Variants in TXNDC16 observed in about 807,000 individuals in gnomAD.
TXNDC16 encodes thioredoxin domain containing 16.
In TXNDC16, 74 loss-of-function variants were observed where a neutral mutation model predicts 85.6. That is an observed-to-expected ratio of 0.86 (90% CI 0.72 to 1.05). The LOEUF (loss-of-function observed/expected upper bound fraction) is 1.05. TXNDC16 is among the 50% of genes least tolerant of loss of function. The pLI is 0.00. For missense variants in TXNDC16, 959 were observed against 947.0 expected, an observed-to-expected ratio of 1.01 and a Z score of -0.17; for synonymous variants, 335 against 326.5, an observed-to-expected ratio of 1.03 and a Z score of -0.28.
At position 52,439,472 on chromosome 14, in the gene TXNDC16, A is replaced by C; in HGVS notation, c.2004-78T>G. On this transcript the variant is annotated intron_variant, in intron 19 of 20. Coordinates refer to ENST00000281741, the MANE Select transcript of TXNDC16 (RefSeq NM_020784.3). Reference sequence around the variant, plus strand: ...TGAAAATAGTAATTCGTAGAACATTAAACTTTTAAGTAGTATCATGCCAGT... The same window carrying C: ...TGAAAATAGTAATTCGTAGAACATTCAACTTTTAAGTAGTATCATGCCAGT... 13 of 1,334,086 alleles carry C rather than the reference A, an allele frequency of 9.7e-6. No homozygotes were observed. In the South Asian group the frequency reaches 1.6e-4, roughly 16 times the overall value. The allele number at this position is 1,334,086 out of a possible 1,614,324, so 82.6% of individuals were successfully genotyped here.
chr14:52,548,224 C>G lies in TXNDC16; in HGVS notation c.-181-3853G>C, dbSNP rs114396385. ...GGCAGAACGAATGTAGAAATGAAAA[C>G]AAAGACAAAATAATCTGTTTTAAAG... On this transcript the variant is annotated intron_variant, in intron 1 of 20. Coordinates refer to ENST00000281741, the MANE Select transcript of TXNDC16 (RefSeq NM_020784.3). 3.5e-3 allele frequency among the ~76,000 whole-genome samples: 538 copies of G among 152,304 alleles called. 2 individuals are homozygous for G. Among genetic ancestry groups the G allele is most frequent in the African/African-American group, 0.013 (524 of 41,550 alleles).
rs765600183 is a variant in TXNDC16, at chr14:52,470,656, C to G, written c.1337G>C (p.Arg446Thr). ...LKGTSTMLLTRINCADWSDVC... is the reference protein window; with the variant it reads ...LKGTSTMLLTTINCADWSDVC... The stretch of plus-strand genomic sequence containing the variant: ...ATCAGACCAATCTGCACAGTTTATT[C>G]TAGTAAGAAGCATAGTAGATGTGCC... The change falls in exon 15 of 21, where the codon AGA (arginine) becomes ACA (threonine). Residue 446 changes from arginine to threonine, a missense_variant. Coordinates refer to ENST00000281741, the MANE Select transcript of TXNDC16 (RefSeq NM_020784.3). The G allele has an allele frequency of 6.2e-7, 1 of 1,608,988 alleles. No individual in the cohort carries two copies. Among genetic ancestry groups the G allele is most frequent in the Admixed American group, 1.7e-5 (1 of 59,484 alleles).
At position 52,525,566 on chromosome 14, in the gene TXNDC16, C is replaced by T. The variant is rs191004990; in HGVS notation, c.393-6273G>A. Among the ~76,000 whole-genome samples, 510 of 150,942 alleles carry T rather than the reference C, an allele frequency of 3.4e-3. 1 individual carries two copies. Among genetic ancestry groups the T allele is most frequent in the South Asian group, 0.01 (49 of 4,784 alleles). On this transcript the variant is annotated intron_variant, in intron 6 of 20. Coordinates refer to ENST00000281741, the MANE Select transcript of TXNDC16 (RefSeq NM_020784.3). ...AAAAAAAATTAGCCAGGTATGGTGG[C>T]GCATGCCTGTAATCCCAGCTACTCA...
chr14:52,477,409 A>C (rs771972719), intron 14 of TXNDC16, among the ~76,000 whole-genome samples: 1 of 152,110 alleles, frequency 6.6e-6, no homozygotes, highest in African/African-American at 2.4e-5. Flanking sequence ...CCAACCAACT[A>C]TCTGCTACCT....
At chr14:52,472,537 A>C (rs556601459) in intron 14 of TXNDC16, among the ~76,000 whole-genome samples, 29 of 152,260 alleles carry the variant, frequency 1.9e-4, no homozygotes, top group Admixed American at 4.6e-4. Flanking sequence ...TGCCTTGCAC[A>C]ATGTCTGTTA....
At chr14:52,519,139 A>G (rs2037151128) in intron 7 of TXNDC16, 33 bp downstream of exon 7, 1 of 1,595,256 alleles carries the variant, frequency 6.3e-7, no homozygotes, top group Non-Finnish European at 8.5e-7. Context: ...GTACAGAGGC[A>G]CAGCAAAGAT....
intron 14 of TXNDC16, among the ~76,000 whole-genome samples, chr14:52,481,818 T>C (rs1367927447): frequency 6.6e-6 from 1 of 152,134 alleles, no homozygotes; most frequent in African/African-American, 2.4e-5. Flanking sequence ...GTAAACTATA[T>C]AGTTTCAAGG....
At chr14:52,494,614 G>T (rs1296302854) in intron 9 of TXNDC16, among the ~76,000 whole-genome samples, 2 of 152,182 alleles carry the variant, frequency 1.3e-5, no homozygotes, top group Non-Finnish European at 2.9e-5. Flanking sequence ...AGGAGGAATA[G>T]TCAGTAAGGC....
intron 16 of TXNDC16, among the ~76,000 whole-genome samples, chr14:52,469,156 G>A (rs1483927528): frequency 6.6e-6 from 1 of 151,830 alleles, no homozygotes; most frequent in Non-Finnish European, 1.5e-5. Context: ...AGACCAGCCT[G>A]GGCAACATGG....
At chr14:52,464,091 A>T (rs1422516643) in intron 16 of TXNDC16, among the ~76,000 whole-genome samples, 2 of 152,232 alleles carry the variant, frequency 1.3e-5, no homozygotes, top group Non-Finnish European at 2.9e-5. Flanking sequence ...GACTGTATGT[A>T]CATTTTATCA....
chr14:52,498,221 C>G (rs1449073407), intron 9 of TXNDC16, among the ~76,000 whole-genome samples: 2 of 152,072 alleles, frequency 1.3e-5, no homozygotes, highest in Non-Finnish European at 1.5e-5. Flanking sequence ...GTGAACTTTC[C>G]CTCTAAGACC....
chr14:52,439,278 G>A lies in TXNDC16; in HGVS notation c.2120C>T (p.Ser707Leu). Residue 707 changes from serine (S) to leucine (L), a missense_variant, in exon 20 of 21, where the codon TCA becomes TTA. Coordinates refer to ENST00000281741, the MANE Select transcript of TXNDC16 (RefSeq NM_020784.3). ...GTTTTCTTCAATTATAGCCTGGTCT[G>A]AAGGAAATGCAAATACTTGGCCACC... ...HSGGQVFAFPSDQAIIEENLV... is the reference protein window; with the variant it reads ...HSGGQVFAFPLDQAIIEENLV... 1 of 1,614,094 alleles carries A rather than the reference G, an allele frequency of 6.2e-7. No individual in the cohort carries two copies. The highest frequency in any genetic ancestry group is 8.5e-7 in the Non-Finnish European group (1 of 1,180,002).
chr14:52,455,959 C>G (rs1452649630), intron 17 of TXNDC16, among the ~76,000 whole-genome samples: 1 of 152,136 alleles, frequency 6.6e-6, no homozygotes, highest in Non-Finnish European at 1.5e-5. Context: ...ATGGCAGACA[C>G]AGACTTCAAA....
At chr14:52,537,398 A>T (rs1016628173) in intron 5 of TXNDC16, among the ~76,000 whole-genome samples, 1 of 152,184 alleles carries the variant, frequency 6.6e-6, no homozygotes, top group Non-Finnish European at 1.5e-5. Context: ...CTTGTGATGT[A>T]GGTATTACTC....
intron 9 of TXNDC16, among the ~76,000 whole-genome samples, chr14:52,508,116 G>A (rs2036858463): frequency 6.6e-6 from 1 of 152,158 alleles, no homozygotes; most frequent in Non-Finnish European, 1.5e-5. Flanking sequence ...ACTACCATCA[G>A]AGTGAACAGG....
chr14:52,522,814 T>G (rs1373784642), intron 6 of TXNDC16, among the ~76,000 whole-genome samples: 1 of 152,186 alleles, frequency 6.6e-6, no homozygotes, highest in Non-Finnish European at 1.5e-5. Flanking sequence ...ATTCTAGGGC[T>G]TATAACTAAA....
At chr14:52,454,118 G>C (rs1230130352) in intron 18 of TXNDC16, among the ~76,000 whole-genome samples, 1 of 152,118 alleles carries the variant, frequency 6.6e-6, no homozygotes, top group African/African-American at 2.4e-5. Context: ...ACTATGCATT[G>C]CATGTTTGTA....
In TXNDC16 at chr14:52,543,440, A is replaced by G; in HGVS notation, c.118T>C (p.Leu40=). 2 of 1,612,822 alleles carry G rather than the reference A, an allele frequency of 1.2e-6. No homozygotes were observed. Among genetic ancestry groups the G allele is most frequent in the Non-Finnish European group, 1.7e-6 (2 of 1,179,512 alleles). ...ELSPQKYFST[L]QPGKASLAYF... is the part of the protein sequence containing the mutation. ...GCTAAAGAGGCTTTTCCTGGTTGCA[A>G]TGTACTAAAATATTTCTGAGGACTC... is the stretch of plus-strand genomic sequence containing the variant. Residue 40 remains leucine, a synonymous_variant, in exon 3 of 21, where the codon TTG becomes CTG. Transcript: ENST00000281741.
chr14:52,529,955 C>T (rs1251145103), intron 6 of TXNDC16, among the ~76,000 whole-genome samples: 1 of 75,496 alleles, frequency 1.3e-5, no homozygotes, highest in Admixed American at 2.2e-4. Context: ...TTATATATTA[C>T]ATATTATAAT....
Sources: gnomAD v4.1 joint callset for allele counts (sites outside exome capture counted in the v4.1 genomes callset) on GRCh38, gnomAD v4.1.1 for gene constraint, MANE v1.5 for transcripts, NCBI Gene and HGNC (gene_info 2026-07-23, HGNC 2026-07-21) for gene names.